RGS7: variants seen among roughly 807,000 people sequenced by gnomAD.
RGS7 encodes the protein regulator of G protein signaling 7.
In RGS7, 27 loss-of-function variants were observed where a neutral mutation model predicts 81.1. The observed-to-expected ratio is 0.33, with a 90% confidence interval of 0.25 to 0.46. The LOEUF (loss-of-function observed/expected upper bound fraction) is 0.46, where lower values mean the gene tolerates loss of function less well. Ranked by LOEUF, RGS7 falls within the 20% of genes least tolerant of loss-of-function variation. The pLI is 1.00. For missense variants in RGS7, 396 were observed against 607.4 expected (o/e 0.65, Z 3.66); for synonymous variants, 208 against 207.7 (o/e 1.00, Z -0.01).
chr1:241,143,871 G>T (rs2068104837), intron 2 of RGS7, among the ~76,000 whole-genome samples: 2 of 152,130 alleles, frequency 1.3e-5, no homozygotes, highest in Non-Finnish European at 2.9e-5. Context: ...TTATAAAGGA[G>T]GCCTGAGGGA....
intron 15 of RGS7, 73 bp from the exon 16 acceptor site, chr1:240,803,066 T>A: frequency 9.6e-7 from 1 of 1,038,648 alleles, no homozygotes; most frequent in East Asian, 2.4e-5. Flanking sequence ...ATGTCACACA[T>A]GGCTAAAGAA....
intron 2 of RGS7, among the ~76,000 whole-genome samples, chr1:241,258,961 T>C (rs1342182088): frequency 6.6e-6 from 1 of 152,156 alleles, no homozygotes; most frequent in Non-Finnish European, 1.5e-5. Context: ...GGTGTAACAA[T>C]GTCAATTACA....
rs1201245167 is a variant in RGS7 at position 240,920,215 on chromosome 1, C to T, written c.385+10502G>A. On this transcript the variant is annotated intron_variant, in intron 6 of 18. Transcript: ENST00000440928. ...CTGTCAAAGCAAGAGATAGCTAGTGCTTCATGCAGCCAAAGAGGTCGAAGT... is the reference window on the plus strand; with the variant it reads ...CTGTCAAAGCAAGAGATAGCTAGTGTTTCATGCAGCCAAAGAGGTCGAAGT... 5 of 1,150,130 alleles carry T rather than the reference C, an allele frequency of 4.3e-6. No individual in the cohort carries two copies. The African/African-American group carries it at 7.5e-5, about 17-fold the overall frequency. The allele number at this position is 1,150,130 out of a possible 1,614,324, so 71.2% of individuals were successfully genotyped here.
chr1:240,841,254 GAAGTC>G (rs1391986168), intron 9 of RGS7, among the ~76,000 whole-genome samples: 1 of 152,188 alleles, frequency 6.6e-6, no homozygotes, highest in African/African-American at 2.4e-5. Flanking sequence ...CAGTTTTAGA[GAAGTC>G]AAGATGAGAA....
intron 6 of RGS7, among the ~76,000 whole-genome samples, chr1:240,922,390 A>G (rs1473506528): frequency 6.6e-6 from 1 of 152,110 alleles, no homozygotes; most frequent in Non-Finnish European, 1.5e-5. Context: ...ATTAAAATTT[A>G]AAACTTTGAT....
At chr1:240,842,174 T>C (rs539500262) in intron 9 of RGS7, among the ~76,000 whole-genome samples, 6 of 147,262 alleles carry the variant, frequency 4.1e-5, no homozygotes, top group Non-Finnish European at 6.0e-5. Context: ...GGTTCTTCTA[T>C]GATTTCAGAT....
chr1:241,132,785 C>T (rs973316038), intron 2 of RGS7, among the ~76,000 whole-genome samples: 5 of 148,606 alleles, frequency 3.4e-5, no homozygotes, highest in African/African-American at 1.3e-4. Flanking sequence ...TTGTTTTAGA[C>T]GGAGTCTAGC....
At chr1:240,831,531 T>C (rs937126841) in intron 9 of RGS7, among the ~76,000 whole-genome samples, 3 of 151,134 alleles carry the variant, frequency 2.0e-5, no homozygotes, top group African/African-American at 7.3e-5. Context: ...CCTGATACAA[T>C]AAAAACGACA....
chr1:240,878,181 TCTC>T (rs1665764379), intron 6 of RGS7, among the ~76,000 whole-genome samples: 1 of 152,130 alleles, frequency 6.6e-6, no homozygotes, highest in Non-Finnish European at 1.5e-5. Context: ...TCTTCCCCCT[TCTC>T]CACCAAGCCC....
intron 6 of RGS7, among the ~76,000 whole-genome samples, chr1:240,895,299 T>C (rs1198297317): frequency 8.6e-6 from 1 of 115,954 alleles, no homozygotes; most frequent in Non-Finnish European, 2.0e-5. Context: ...TTCTTTCTTT[T>C]TAGTTATACT....
rs143495894 is a variant in RGS7 at position 241,218,844 on chromosome 1, T to A, written c.79-120082A>T. The stretch of plus-strand genomic sequence containing the variant: ...TTTGTATTTTTAGTAGAGATGGGGT[T>A]TCACTATGCTGGCAAGACTGGTCTT... On this transcript the variant is annotated intron_variant, in intron 2 of 18. Transcript: ENST00000440928. 2.6e-5 allele frequency among the ~76,000 whole-genome samples: 4 copies of A among 152,170 alleles called. No homozygotes were observed. In the East Asian group the frequency reaches 7.7e-4, roughly 29 times the overall value.
At chr1:240,882,641 C>T (rs928683281) in intron 6 of RGS7, among the ~76,000 whole-genome samples, 11 of 152,122 alleles carry the variant, frequency 7.2e-5, no homozygotes, top group Non-Finnish European at 1.5e-4. Flanking sequence ...TCCACTCTGG[C>T]TCTCAGTGCT....
At position 241,226,510 on chromosome 1, in the gene RGS7, C is replaced by G. The variant is rs754398360; in HGVS notation, c.79-127748G>C. On this transcript the variant is annotated intron_variant, in intron 2 of 18. Coordinates refer to ENST00000440928, the MANE Select transcript of RGS7 (RefSeq NM_001364886.1). ...TCCACCTTTTCTGAGCACCTGTTAG[C>G]AGCCAGGCAGTGTAGTAGGAATGAG... is the stretch of plus-strand genomic sequence containing the variant. Among the ~76,000 whole-genome samples, 38 of 152,208 alleles carry G rather than the reference C, an allele frequency of 2.5e-4. 1 individual carries two copies. Among genetic ancestry groups the G allele is most frequent in the Admixed American group, 9.8e-4 (15 of 15,284 alleles).
intron 2 of RGS7, among the ~76,000 whole-genome samples, chr1:241,202,150 A>G (rs993129076): frequency 6.6e-6 from 1 of 152,084 alleles, no homozygotes; most frequent in Non-Finnish European, 1.5e-5. Flanking sequence ...ACCTACTCAG[A>G]TCTTATGATA....
intron 2 of RGS7, among the ~76,000 whole-genome samples, chr1:241,281,552 C>G (rs935302709): frequency 6.6e-6 from 1 of 152,200 alleles, no homozygotes; most frequent in Non-Finnish European, 1.5e-5. Flanking sequence ...TCCCAAGAAG[C>G]AGAGAAAAGT....
chr1:240,781,839 AC>A (rs558737909), intron 18 of RGS7, among the ~76,000 whole-genome samples: 284 of 152,082 alleles, frequency 1.9e-3, no homozygotes, highest in Non-Finnish European at 3.1e-3. Context: ...ACATAGTGAA[AC>A]CCTGTCTCTA....
At chr1:241,336,429 A>G (rs1440661203) in intron 2 of RGS7, among the ~76,000 whole-genome samples, 1 of 152,220 alleles carries the variant, frequency 6.6e-6, no homozygotes, top group Non-Finnish European at 1.5e-5. Flanking sequence ...AGTAGAAACT[A>G]AGAGAAGGAT....
intron 4 of RGS7, among the ~76,000 whole-genome samples, chr1:240,949,847 CAAA>C (rs57421740): frequency 4.4e-5 from 4 of 91,952 alleles, no homozygotes; most frequent in African/African-American, 1.3e-4. Flanking sequence ...GACTCTGACT[CAAA>C]AAAAAAAAAA....
chr1:240,824,788 T>G (rs1692502556), intron 10 of RGS7, among the ~76,000 whole-genome samples: 2 of 152,054 alleles, frequency 1.3e-5, no homozygotes, highest in African/African-American at 4.8e-5. Context: ...AAAGGTTAGG[T>G]GGGTTATAGG....
Sources: gnomAD v4.1 joint callset for allele counts (sites outside exome capture counted in the v4.1 genomes callset) on GRCh38, gnomAD v4.1.1 for gene constraint, MANE v1.5 for transcripts, NCBI Gene and HGNC (gene_info 2026-07-23, HGNC 2026-07-21) for gene names.